The following ALK variants were observed in gnomAD, a reference collection of about 807,000 sequenced individuals.
ALK encodes ALK receptor tyrosine kinase.
ALK carries 74 observed loss-of-function variants against 163.1 expected under a neutral mutation model. The observed-to-expected ratio is 0.45, with a 90% CI of 0.38 to 0.55. ALK has a LOEUF of 0.55. ALK is among the 20% of genes least tolerant of loss of function. The probability of loss-of-function intolerance (pLI) is 0.00; values close to 1 mark genes in which losing one functional copy is unlikely to be tolerated. For synonymous variants in ALK, 960 were observed against 843.2 expected, an observed-to-expected ratio of 1.14 and a Z score of -2.40; for missense variants, 2,063 against 2,105.3, an observed-to-expected ratio of 0.98 and a Z score of 0.39.
intron 3 of ALK, among the ~76,000 whole-genome samples, chr2:29,573,455 G>A (rs1346763513): frequency 6.6e-6 from 1 of 152,036 alleles, no homozygotes; most frequent in Non-Finnish European, 1.5e-5. Flanking sequence ...TTTGTAAATG[G>A]GTTTAAAAGC....
rs144761840 is a variant in ALK at position 29,459,920 on chromosome 2, A to G, written c.1154+71995T>C. 2.2e-3 allele frequency among the ~76,000 whole-genome samples: 338 copies of G among 152,314 alleles called. 3 individuals carry two copies. Among genetic ancestry groups the G allele is most frequent in the African/African-American group, 7.7e-3 (321 of 41,582 alleles). ...AAGCATTCCTGACTGATATAGAAGT[A>G]TTATAATGATTAAAATCCATGTTTT... On this transcript the variant is annotated intron_variant, in intron 4 of 28. Coordinates refer to ENST00000389048, the MANE Select transcript of ALK (RefSeq NM_004304.5).
At chr2:29,735,302 A>T (rs1275114816) in intron 1 of ALK, among the ~76,000 whole-genome samples, 3 of 152,102 alleles carry the variant, frequency 2.0e-5, no homozygotes, top group Non-Finnish European at 4.4e-5. Context: ...AAGAGTGTTG[A>T]TACTTTTGAC....
At position 29,512,209 on chromosome 2, in the gene ALK, G is replaced by C. The variant is rs1398924560; in HGVS notation, c.1154+19706C>G. 3.9e-5 allele frequency among the ~76,000 whole-genome samples: 6 copies of C among 152,030 alleles called. No individual in the cohort carries two copies. In the East Asian group the frequency reaches 9.6e-4, roughly 24 times the overall value. On this transcript the variant is annotated intron_variant, in intron 4 of 28. Transcript: ENST00000389048. Reference sequence around the variant, plus strand: ...TAGCTTTAGATTTTGTTTAGGTCTAGACCAATATCCTTGATGAACATTGAT... The same window carrying C: ...TAGCTTTAGATTTTGTTTAGGTCTACACCAATATCCTTGATGAACATTGAT...
At chr2:29,238,122 G>A (rs1275887759) in intron 13 of ALK, among the ~76,000 whole-genome samples, 1 of 152,158 alleles carries the variant, frequency 6.6e-6, no homozygotes, top group African/African-American at 2.4e-5. Context: ...GTACATAGAA[G>A]GGCAACTCCC....
In ALK at chr2:29,220,938, A is replaced by G. The variant is rs921695694; in HGVS notation, c.3516-103T>C. ...CAAAGTTACATTTTCAGCAGCTACAATGTATAAAGGCATTCTGTAAACATG... is the reference window on the plus strand; with the variant it reads ...CAAAGTTACATTTTCAGCAGCTACAGTGTATAAAGGCATTCTGTAAACATG... On this transcript the variant is annotated intron_variant, in intron 22 of 28. Coordinates refer to ENST00000389048, the MANE Select transcript of ALK (RefSeq NM_004304.5). 2.3e-5 allele frequency: 34 copies of G among 1,505,950 alleles called. No individual in the cohort carries two copies. The African/African-American group carries it at 4.4e-4, about 19-fold the overall frequency. The allele number at this position is 1,505,950 out of a possible 1,614,324, so 93.3% of individuals were successfully genotyped here.
chr2:29,520,468 G>A (rs1032445097), intron 4 of ALK, among the ~76,000 whole-genome samples: 1 of 152,208 alleles, frequency 6.6e-6, no homozygotes, highest in Admixed American at 6.5e-5. Flanking sequence ...TATTCTTGGG[G>A]TACCTGGTTG....
intron 5 of ALK, 53 bp from the exon 6 acceptor site, chr2:29,328,534 C>A: frequency 6.2e-7 from 1 of 1,613,064 alleles, no homozygotes; most frequent in South Asian, 1.1e-5. Flanking sequence ...CCCCAGGCAG[C>A]AGCTGGCCTG....
chr2:29,713,186 C>T (rs956348873), intron 2 of ALK, among the ~76,000 whole-genome samples: 1 of 152,146 alleles, frequency 6.6e-6, no homozygotes, highest in Non-Finnish European at 1.5e-5. Context: ...CCTATATGTG[C>T]CTGTGTTTTC....
At chr2:29,831,847 G>T (rs547029733) in intron 1 of ALK, among the ~76,000 whole-genome samples, 1 of 152,314 alleles carries the variant, frequency 6.6e-6, no homozygotes, top group African/African-American at 2.4e-5. Context: ...GACATTATTT[G>T]TGAGCATCTG....
rs142051929 is a variant in ALK at position 29,818,683 on chromosome 2, T to C, written c.668-100986A>G. On this transcript the variant is annotated intron_variant, in intron 1 of 28. Transcript: ENST00000389048. ...CAGCAGCGCAGTAGCAGATATAGGG[T>C]TTGACTGTGGCTGGCACAGCGTGAG... Among the ~76,000 whole-genome samples the C allele has an allele frequency of 5.7e-4, 87 of 152,334 alleles. 1 individual carries two copies. The East Asian group carries it at 0.01, about 18-fold the overall frequency.
At chr2:29,709,323 G>A (rs1679004300) in intron 2 of ALK, among the ~76,000 whole-genome samples, 1 of 152,156 alleles carries the variant, frequency 6.6e-6, no homozygotes, top group African/African-American at 2.4e-5. Flanking sequence ...TGAGAGGGCT[G>A]GTGGGAATGT....
At position 29,600,795 on chromosome 2, in the gene ALK, A is replaced by T. The variant is rs59263354; in HGVS notation, c.953-68679T>A. ...TTGGGGCATAAACAGTAGAAGAGGTATGGTGTTGGTTGGTGGGTGGAGGAG... is the reference window on the plus strand; with the variant it reads ...TTGGGGCATAAACAGTAGAAGAGGTTTGGTGTTGGTTGGTGGGTGGAGGAG... On this transcript the variant is annotated intron_variant, in intron 3 of 28. Coordinates refer to ENST00000389048, the MANE Select transcript of ALK (RefSeq NM_004304.5). Among the ~76,000 whole-genome samples the T allele has an allele frequency of 2.9e-3, 449 of 152,286 alleles. 1 individual carries two copies. The highest frequency in any genetic ancestry group is 0.01 in the African/African-American group (434 of 41,572).
At chr2:29,459,160 A>T (rs1450312190) in intron 4 of ALK, among the ~76,000 whole-genome samples, 1 of 152,166 alleles carries the variant, frequency 6.6e-6, no homozygotes, top group Non-Finnish European at 1.5e-5. Flanking sequence ...GACTTTGATA[A>T]CTGCTGACTT....
chr2:29,582,858 TC>T (rs1674750591), intron 3 of ALK, among the ~76,000 whole-genome samples: 1 of 99,290 alleles, frequency 1.0e-5, no homozygotes, highest in East Asian at 2.8e-4. Flanking sequence ...AACCCAGCAC[TC>T]CTTTTTTTTT....
At chr2:29,496,391 G>A (rs1672024667) in intron 4 of ALK, among the ~76,000 whole-genome samples, 6 of 152,188 alleles carry the variant, frequency 3.9e-5, no homozygotes, top group Admixed American at 3.3e-4. Context: ...ACTTGGTTCA[G>A]GGTCACTGCA....
chr2:29,430,776 G>A (rs1221904423), intron 4 of ALK, among the ~76,000 whole-genome samples: 1 of 152,220 alleles, frequency 6.6e-6, no homozygotes, highest in Non-Finnish European at 1.5e-5. Context: ...GAATGGGGCA[G>A]GCAGAGGCCA....
chr2:29,217,111 TG>T (rs1056719068), intron 23 of ALK, among the ~76,000 whole-genome samples: 1,966 of 97,208 alleles, frequency 0.02, 67 homozygotes, highest in African/African-American at 0.067. Flanking sequence ...GGTGTGTCTG[TG>T]GGGGGGGGGC....
intron 4 of ALK, among the ~76,000 whole-genome samples, chr2:29,464,789 A>T (rs780424993): frequency 2.6e-5 from 4 of 152,190 alleles, no homozygotes; most frequent in Non-Finnish European, 4.4e-5. Flanking sequence ...AATTCACAGG[A>T]CAGCTCCCCC....
intron 12 of ALK, among the ~76,000 whole-genome samples, chr2:29,245,289 C>T (rs13386284): frequency 5.8e-5 from 5 of 85,924 alleles, no homozygotes; most frequent in Admixed American, 1.5e-4. Flanking sequence ...CTGCACACAG[C>T]AGGGCTCCAT....
Sources: gnomAD v4.1 joint callset for allele counts (sites outside exome capture counted in the v4.1 genomes callset) on GRCh38, gnomAD v4.1.1 for gene constraint, MANE v1.5 for transcripts, NCBI Gene and HGNC (gene_info 2026-07-23, HGNC 2026-07-21) for gene names.